The following OTUD7A variants were observed in gnomAD, a reference collection of about 807,000 sequenced individuals.
OTUD7A encodes the protein OTU domain-containing protein 7A.
In OTUD7A, 12 loss-of-function variants were observed where a neutral mutation model predicts 65.7. The observed-to-expected ratio is 0.18, with a 90% CI of 0.12 to 0.30. The LOEUF (loss-of-function observed/expected upper bound fraction) is 0.30, where lower values mean the gene tolerates loss of function less well. OTUD7A is among the 10% of genes least tolerant of loss of function. OTUD7A has a pLI of 1.00. For synonymous variants in OTUD7A, 641 were observed against 586.3 expected, an observed-to-expected ratio of 1.09 and a Z score of -1.35; for missense variants, 1,148 against 1,304.8, an observed-to-expected ratio of 0.88 and a Z score of 1.85.
At chr15:31,783,034 G>A (rs756254324) in intron 1 of OTUD7A, among the ~76,000 whole-genome samples, 5 of 152,156 alleles carry the variant, frequency 3.3e-5, no homozygotes, top group African/African-American at 9.7e-5. Flanking sequence ...CTGGGCCTTT[G>A]TGAAGTCCTG....
chr15:31,664,354 G>A (rs1892259890), intron 1 of OTUD7A, among the ~76,000 whole-genome samples: 2 of 149,858 alleles, frequency 1.3e-5, no homozygotes, highest in Admixed American at 6.6e-5. Flanking sequence ...TTTTTATTAC[G>A]GCCATTCTTG....
At chr15:31,803,815 A>G (rs905377872) in intron 1 of OTUD7A, among the ~76,000 whole-genome samples, 4 of 152,222 alleles carry the variant, frequency 2.6e-5, no homozygotes, top group African/African-American at 7.2e-5. Flanking sequence ...GTAGGGGACA[A>G]GGTGAAAAGC....
intron 8 of OTUD7A, among the ~76,000 whole-genome samples, chr15:31,524,117 C>T (rs11631210): frequency 0.39 from 59,937 of 151,876 alleles, 12,086 homozygotes; most frequent in Middle Eastern, 0.43. Context: ...ATTGCATATG[C>T]TCTGTCCTCT....
intron 1 of OTUD7A, among the ~76,000 whole-genome samples, chr15:31,838,661 C>T (rs1897112342): frequency 6.6e-6 from 1 of 151,494 alleles, no homozygotes; most frequent in Non-Finnish European, 1.5e-5. Flanking sequence ...TCAAAGACCC[C>T]CCCCCACTAC....
chr15:31,867,378 A>G (rs1897904594), intron 1 of OTUD7A, among the ~76,000 whole-genome samples: 1 of 152,180 alleles, frequency 6.6e-6, no homozygotes. Context: ...CACCATCAGA[A>G]GGTCAGAGGC....
intron 7 of OTUD7A, 27 bp downstream of exon 7, chr15:31,527,154 G>C (rs2042025995): frequency 6.2e-7 from 1 of 1,613,528 alleles, no homozygotes; most frequent in Non-Finnish European, 8.5e-7. Flanking sequence ...TGGGTCCCGG[G>C]CTCTGGCCAT....
chr15:31,546,183 C>G (rs1469770591), intron 5 of OTUD7A, among the ~76,000 whole-genome samples: 1 of 152,128 alleles, frequency 6.6e-6, no homozygotes, highest in East Asian at 1.9e-4. Context: ...AACAAATTCC[C>G]TATGGATACT....
intron 3 of OTUD7A, among the ~76,000 whole-genome samples, chr15:31,606,833 TATATATC>T (rs1481477175): frequency 6.6e-6 from 1 of 152,252 alleles, no homozygotes; most frequent in African/African-American, 2.4e-5. Flanking sequence ...ATGCTGACAT[TATATATC>T]ATATAAATCA....
intron 3 of OTUD7A, among the ~76,000 whole-genome samples, chr15:31,597,286 C>A (rs147022368): frequency 8.4e-4 from 128 of 152,268 alleles, no homozygotes; most frequent in African/African-American, 3.0e-3. Flanking sequence ...AAATTCAATT[C>A]ATCATTTGTC....
intron 1 of OTUD7A, among the ~76,000 whole-genome samples, chr15:31,769,523 C>A (rs1259154881): frequency 6.6e-6 from 1 of 152,164 alleles, no homozygotes; most frequent in East Asian, 1.9e-4. Context: ...ATGTTCATAG[C>A]CACTTTATTT....
At chr15:31,744,691 A>C (rs1288853216) in intron 1 of OTUD7A, among the ~76,000 whole-genome samples, 1 of 152,138 alleles carries the variant, frequency 6.6e-6, no homozygotes, top group Non-Finnish European at 1.5e-5. Context: ...GATTGTAGCC[A>C]GTGCAATAAA....
chr15:31,487,348 C>T lies in OTUD7A; in HGVS notation c.1287-70G>A, dbSNP rs1395370352. ...TTATAGCACCCAGTCCACTTGCATG[C>T]CAGCTGTCCCAGGAGGAGCAGGGGT... On this transcript the variant is annotated intron_variant, in intron 11 of 12. Transcript: ENST00000307050. The surrounding 1 kb of genome is among the most constrained non-coding windows in gnomAD (Gnocchi z 6.0). 1 of 1,584,722 alleles carries T rather than the reference C, an allele frequency of 6.3e-7. No individual in the cohort carries two copies. The highest frequency in any genetic ancestry group is 8.6e-7 in the Non-Finnish European group (1 of 1,156,302).
intron 3 of OTUD7A, among the ~76,000 whole-genome samples, chr15:31,647,319 C>T (rs986546196): frequency 6.6e-6 from 1 of 152,230 alleles, no homozygotes; most frequent in African/African-American, 2.4e-5. Context: ...AACGCCAGAG[C>T]CGTGAATTCT....
At chr15:31,679,256 G>A (rs1278104317) in intron 1 of OTUD7A, among the ~76,000 whole-genome samples, 1 of 152,198 alleles carries the variant, frequency 6.6e-6, no homozygotes, top group African/African-American at 2.4e-5. Context: ...TAAGGGACTT[G>A]CCTTGTCTCA....
At chr15:31,585,034 T>C (rs1482356981) in intron 3 of OTUD7A, among the ~76,000 whole-genome samples, 1 of 152,230 alleles carries the variant, frequency 6.6e-6, no homozygotes, top group Non-Finnish European at 1.5e-5. Flanking sequence ...TTTGGTGACT[T>C]GGAGGACATT....
At chr15:31,583,883 G>A (rs1233825401) in intron 3 of OTUD7A, among the ~76,000 whole-genome samples, 1 of 152,048 alleles carries the variant, frequency 6.6e-6, no homozygotes, top group Non-Finnish European at 1.5e-5. Context: ...CACTGGTTGT[G>A]TAAACCTCTA....
intron 5 of OTUD7A, among the ~76,000 whole-genome samples, chr15:31,541,316 TA>T (rs1213838885): frequency 6.6e-6 from 1 of 152,334 alleles, no homozygotes; most frequent in Non-Finnish European, 1.5e-5. Flanking sequence ...AAGCAACTTT[TA>T]AAAACCAATG....
At chr15:31,797,036 A>C (rs1398390514) in intron 1 of OTUD7A, among the ~76,000 whole-genome samples, 1 of 152,186 alleles carries the variant, frequency 6.6e-6, no homozygotes, top group Non-Finnish European at 1.5e-5. Flanking sequence ...ACCTGGCCTC[A>C]AACATTACTC....
At chr15:31,717,383 C>T (rs532479925) in intron 1 of OTUD7A, among the ~76,000 whole-genome samples, 1 of 152,210 alleles carries the variant, frequency 6.6e-6, no homozygotes, top group Non-Finnish European at 1.5e-5. Context: ...AATGTTATCC[C>T]TCCCCTCGCC....
Sources: allele counts gnomAD v4.1 joint callset (sites outside exome capture counted in the v4.1 genomes callset), GRCh38; gene constraint gnomAD v4.1.1; non-coding constraint Gnocchi (gnomAD v3.1); transcripts MANE v1.5; gene names NCBI Gene and HGNC (gene_info 2026-07-23, HGNC 2026-07-21).